NUDCD1: variants seen among roughly 807,000 people sequenced by gnomAD.
NUDCD1 encodes the protein nudC domain-containing protein 1.
In NUDCD1, 60 loss-of-function variants were observed where a neutral mutation model predicts 67.8. The ratio of observed to expected loss-of-function variants is 0.88; its 90% confidence interval spans 0.72 to 1.10. NUDCD1 has a LOEUF of 1.10. NUDCD1 is among the 50% of genes least tolerant of loss of function. NUDCD1 has a pLI of 0.00. For missense variants in NUDCD1, 643 were observed against 695.0 expected, an observed-to-expected ratio of 0.93 and a Z score of 0.84; for synonymous variants, 244 against 230.8, an observed-to-expected ratio of 1.06 and a Z score of -0.52.
chr8:109,308,778 T>C (rs1220063618), intron 2 of NUDCD1, among the ~76,000 whole-genome samples: 1 of 152,038 alleles, frequency 6.6e-6, no homozygotes, highest in African/African-American at 2.4e-5. Flanking sequence ...GAGACCATCC[T>C]GGCTAACACA....
intron 9 of NUDCD1, 35 bp downstream of exon 9, chr8:109,245,287 A>G (rs1283115572): frequency 6.3e-7 from 1 of 1,580,660 alleles, no homozygotes; most frequent in Non-Finnish European, 8.6e-7. Flanking sequence ...TGTATTTCTG[A>G]TTTCATGGAA....
intron 4 of NUDCD1, among the ~76,000 whole-genome samples, chr8:109,291,160 GTTT>G (rs1264449700): frequency 1.3e-5 from 2 of 152,128 alleles, no homozygotes; most frequent in Admixed American, 1.3e-4. Flanking sequence ...AATGTAAATT[GTTT>G]TTTGTTTGTT....
intron 2 of NUDCD1, among the ~76,000 whole-genome samples, chr8:109,313,468 T>C (rs534996228): frequency 1.3e-5 from 2 of 152,346 alleles, no homozygotes; most frequent in African/African-American, 4.8e-5. Context: ...TGTTTACTAT[T>C]AGGAAAATAA....
intron 4 of NUDCD1, among the ~76,000 whole-genome samples, chr8:109,291,269 A>G (rs538067167): frequency 6.6e-6 from 1 of 152,250 alleles, no homozygotes; most frequent in Non-Finnish European, 1.5e-5. Context: ...AATCCTCCTG[A>G]ATAGCTGGAA....
At chr8:109,284,883 GT>G (rs918276544) in intron 5 of NUDCD1, among the ~76,000 whole-genome samples, 7 of 150,412 alleles carry the variant, frequency 4.7e-5, no homozygotes, top group African/African-American at 1.7e-4. Flanking sequence ...CCAAAAGTTG[GT>G]TTTTTTTTGA....
chr8:109,310,833 T>TTG (rs1554617050), intron 2 of NUDCD1, among the ~76,000 whole-genome samples: 3 of 148,350 alleles, frequency 2.0e-5, no homozygotes, highest in Admixed American at 1.3e-4. Context: ...TTTTTTTTTT[T>TTG]TGAGAAGGAG....
chr8:109,328,820 C>G (rs1258535423), intron 1 of NUDCD1, among the ~76,000 whole-genome samples: 1 of 152,078 alleles, frequency 6.6e-6, no homozygotes, highest in Non-Finnish European at 1.5e-5. Flanking sequence ...TAACCTGCAC[C>G]TAACAAGGTA....
At chr8:109,329,408 C>T (rs1815753454) in intron 1 of NUDCD1, among the ~76,000 whole-genome samples, 1 of 152,118 alleles carries the variant, frequency 6.6e-6, no homozygotes, top group African/African-American at 2.4e-5. Context: ...AAAACCACAG[C>T]TGGCCACAAT....
At chr8:109,274,828 A>C (rs982058392) in intron 7 of NUDCD1, among the ~76,000 whole-genome samples, 2 of 152,160 alleles carry the variant, frequency 1.3e-5, no homozygotes, top group African/African-American at 2.4e-5. Flanking sequence ...CACATTCTTA[A>C]CATGATCTTA....
rs1813377586 is a variant in NUDCD1 at position 109,241,998 on chromosome 8, A to G, written c.*1011T>C. The stretch of plus-strand genomic sequence containing the variant: ...TTTGTGGCAAGAAACTATAACATAT[A>G]AACAGGATTATTTTGTTGAAGTTGT... On this transcript the variant is annotated 3_prime_UTR_variant, in exon 10 of 10. Transcript: ENST00000239690. 2.5e-6 allele frequency: 1 copy of G among 397,608 alleles called. No individual in the cohort carries two copies. Among genetic ancestry groups the G allele is most frequent in the African/African-American group, 2.1e-5 (1 of 48,596 alleles). 24.6% of individuals were successfully genotyped at this position (397,608 alleles called of 1,614,324 possible). A position where few individuals can be genotyped will look rare whatever the true frequency, so the allele number is the denominator to read the frequency against.
intron 2 of NUDCD1, among the ~76,000 whole-genome samples, chr8:109,312,988 C>T (rs527285349): frequency 1.3e-5 from 2 of 152,302 alleles, no homozygotes; most frequent in East Asian, 3.9e-4. Context: ...AGTCTTCCCT[C>T]CTTCTAGGTA....
At chr8:109,275,049 T>A (rs915061173) in intron 7 of NUDCD1, among the ~76,000 whole-genome samples, 4 of 152,130 alleles carry the variant, frequency 2.6e-5, no homozygotes, top group African/African-American at 7.2e-5. Flanking sequence ...CTACCAGCAT[T>A]GGTCAGTTGA....
At chr8:109,243,496 C>T (rs1010318575) in intron 9 of NUDCD1, among the ~76,000 whole-genome samples, 195 bp from the exon 10 acceptor site, 1 of 152,046 alleles carries the variant, frequency 6.6e-6, no homozygotes, top group Non-Finnish European at 1.5e-5. Context: ...TACAAAAATA[C>T]GACTTTAATT....
chr8:109,279,778 C>T (rs1445513828), intron 6 of NUDCD1, among the ~76,000 whole-genome samples: 1 of 151,876 alleles, frequency 6.6e-6, no homozygotes, highest in African/African-American at 2.4e-5. Context: ...ATTACAGGCA[C>T]CCGCCACCAC....
chr8:109,286,337 A>G (rs2199122), intron 5 of NUDCD1, among the ~76,000 whole-genome samples: 61,587 of 151,940 alleles, frequency 0.41, 12,750 homozygotes, highest in South Asian at 0.5. Context: ...AAAAGAGCCC[A>G]AATAGCCAAA....
intron 2 of NUDCD1, among the ~76,000 whole-genome samples, chr8:109,306,899 C>T (rs769505955): frequency 6.6e-6 from 1 of 152,102 alleles, no homozygotes; most frequent in Admixed American, 6.5e-5. Context: ...TCCCATGCTG[C>T]CCCTAATCCC....
chr8:109,279,395 T>C (rs1385985664), intron 6 of NUDCD1, among the ~76,000 whole-genome samples: 1 of 152,202 alleles, frequency 6.6e-6, no homozygotes, highest in Non-Finnish European at 1.5e-5. Flanking sequence ...TGTTCATCTA[T>C]CTTCTATTGT....
intron 2 of NUDCD1, 96 bp downstream of exon 2, chr8:109,322,213 A>T (rs1815556869): frequency 3.4e-6 from 2 of 594,728 alleles, no homozygotes; most frequent in Non-Finnish European, 5.9e-6. Context: ...TGTGCACCTC[A>T]CTTCTCTGGA....
At chr8:109,320,106 G>A (rs1234977168) in intron 2 of NUDCD1, among the ~76,000 whole-genome samples, 2 of 152,120 alleles carry the variant, frequency 1.3e-5, no homozygotes, top group African/African-American at 4.8e-5. Flanking sequence ...CACAGGACTG[G>A]GGCGAAATTA....
Sources: allele counts gnomAD v4.1 joint callset (sites outside exome capture counted in the v4.1 genomes callset), GRCh38; gene constraint gnomAD v4.1.1; transcripts MANE v1.5; gene names NCBI Gene and HGNC (gene_info 2026-07-23, HGNC 2026-07-21).